Variants in TMEM163 observed in about 807,000 individuals in gnomAD.
TMEM163 encodes the protein transmembrane protein 163.
TMEM163 carries 17 observed loss-of-function variants against 29.3 expected under a neutral mutation model. The observed-to-expected ratio is 0.58, with a 90% CI of 0.40 to 0.87. TMEM163 has a LOEUF of 0.87. TMEM163 is among the 40% of genes least tolerant of loss of function. The pLI is 0.00. For missense variants in TMEM163, 303 were observed against 381.5 expected, an observed-to-expected ratio of 0.79 and a Z score of 1.71; for synonymous variants, 157 against 160.6, an observed-to-expected ratio of 0.98 and a Z score of 0.17.
At chr2:134,570,467 T>TAC (rs1558948852) in intron 2 of TMEM163, among the ~76,000 whole-genome samples, 37 of 139,592 alleles carry the variant, frequency 2.7e-4, no homozygotes, top group Non-Finnish European at 4.7e-4. Context: ...CTACTACATA[T>TAC]ATATATACAT....
In TMEM163 at chr2:134,541,292, G is replaced by A. The variant is rs189937357; in HGVS notation, c.458+9278C>T. 1.6e-4 allele frequency among the ~76,000 whole-genome samples: 25 copies of A among 152,360 alleles called. No homozygotes were observed. The East Asian group carries it at 4.2e-3, about 26-fold the overall frequency. ...TAGGCTGCTAACTAAAGAAATGCAT[G>A]TTAACATGGAGAATTAGCATTGCTG... On this transcript the variant is annotated intron_variant, in intron 4 of 7. Coordinates refer to ENST00000281924, the MANE Select transcript of TMEM163 (RefSeq NM_030923.5).
intron 5 of TMEM163, among the ~76,000 whole-genome samples, chr2:134,478,402 T>C (rs142626824): frequency 1.8e-3 from 268 of 152,234 alleles, no homozygotes; most frequent in African/African-American, 6.1e-3. Context: ...ATAATGCTCA[T>C]AAAAATATGG....
At chr2:134,517,788 A>G (rs1680107922) in intron 4 of TMEM163, among the ~76,000 whole-genome samples, 1 of 152,236 alleles carries the variant, frequency 6.6e-6, no homozygotes, top group East Asian at 1.9e-4. Flanking sequence ...TTTTAAATCA[A>G]TAGGTTTAAG....
At chr2:134,708,611 G>C (rs1461485303) in intron 2 of TMEM163, among the ~76,000 whole-genome samples, 1 of 150,546 alleles carries the variant, frequency 6.6e-6, no homozygotes, top group Non-Finnish European at 1.5e-5. Context: ...TTTTGAGACA[G>C]AGTCTTGCTC....
intron 5 of TMEM163, among the ~76,000 whole-genome samples, chr2:134,471,181 T>C (rs1245720378): frequency 6.6e-6 from 1 of 152,130 alleles, no homozygotes; most frequent in East Asian, 1.9e-4. Flanking sequence ...AATAAAACTA[T>C]GTTTAAAAAG....
At chr2:134,541,042 CA>C (rs1680652807) in intron 4 of TMEM163, among the ~76,000 whole-genome samples, 1 of 152,116 alleles carries the variant, frequency 6.6e-6, no homozygotes, top group African/African-American at 2.4e-5. Context: ...AATCTTTAAA[CA>C]AAAAACACCC....
At chr2:134,583,271 C>T (rs1681735742) in intron 2 of TMEM163, among the ~76,000 whole-genome samples, 1 of 152,182 alleles carries the variant, frequency 6.6e-6, no homozygotes, top group Non-Finnish European at 1.5e-5. Flanking sequence ...GGAGTTCTAC[C>T]TAATGGAGTT....
At chr2:134,669,767 T>C (rs1683949748) in intron 2 of TMEM163, among the ~76,000 whole-genome samples, 1 of 152,184 alleles carries the variant, frequency 6.6e-6, no homozygotes, top group Admixed American at 6.5e-5. Context: ...GACATGTGCC[T>C]TTAGAGCCCA....
chr2:134,630,200 T>G (rs928214410), intron 2 of TMEM163, among the ~76,000 whole-genome samples: 7 of 151,896 alleles, frequency 4.6e-5, no homozygotes, highest in African/African-American at 1.7e-4. Flanking sequence ...ATCTGTACAA[T>G]AGGAATAATA....
In TMEM163 at chr2:134,486,293, C is replaced by T. The variant is rs540150456; in HGVS notation, c.555+16608G>A. On this transcript the variant is annotated intron_variant, in intron 5 of 7. Coordinates refer to ENST00000281924, the MANE Select transcript of TMEM163 (RefSeq NM_030923.5). Reference sequence around the variant, plus strand: ...AAGCTCATTTACCCACCCCCAAAACCGAATGTGAACAAAACACAAGGAAGG... The same window carrying T: ...AAGCTCATTTACCCACCCCCAAAACTGAATGTGAACAAAACACAAGGAAGG... Among the ~76,000 whole-genome samples, 54 of 152,162 alleles carry T rather than the reference C, an allele frequency of 3.5e-4. 1 individual carries two copies. The highest frequency in any genetic ancestry group is 1.1e-3 in the African/African-American group (47 of 41,526).
chr2:134,648,350 C>CTCTTCTCTTCTCTTCTCT (rs1553489011), intron 2 of TMEM163, among the ~76,000 whole-genome samples: 1 of 151,942 alleles, frequency 6.6e-6, no homozygotes, highest in East Asian at 1.9e-4. Context: ...CTCTTCTCTG[C>CTCTTCTCTTCTCTTCTCT]TGTGTGGAAC....
chr2:134,491,543 C>T (rs1174496340), intron 5 of TMEM163, among the ~76,000 whole-genome samples: 3 of 152,128 alleles, frequency 2.0e-5, no homozygotes, highest in Admixed American at 6.5e-5. Context: ...GGAGACACTC[C>T]GTGGACCAGA....
At chr2:134,708,774 G>A (rs979669099) in intron 2 of TMEM163, among the ~76,000 whole-genome samples, 2 of 151,936 alleles carry the variant, frequency 1.3e-5, no homozygotes, top group Non-Finnish European at 2.9e-5. Context: ...TTTTTTAGTA[G>A]AGACAGGGTT....
chr2:134,603,946 A>G (rs1682293773), intron 2 of TMEM163, among the ~76,000 whole-genome samples: 1 of 152,012 alleles, frequency 6.6e-6, no homozygotes, highest in South Asian at 2.1e-4. Flanking sequence ...ACTTTTGGAC[A>G]CTGCAGTTAG....
chr2:134,650,125 C>T (rs1445957465), intron 2 of TMEM163, among the ~76,000 whole-genome samples: 3 of 150,972 alleles, frequency 2.0e-5, no homozygotes, highest in Admixed American at 6.6e-5. Context: ...AGTACAACCA[C>T]ATTTTTGTGT....
At chr2:134,481,256 G>C (rs184275690) in intron 5 of TMEM163, among the ~76,000 whole-genome samples, 1 of 152,076 alleles carries the variant, frequency 6.6e-6, no homozygotes, top group East Asian at 1.9e-4. Context: ...CCATCTAAAT[G>C]CTTCCCATCG....
intron 2 of TMEM163, among the ~76,000 whole-genome samples, chr2:134,575,810 T>A (rs1681541735): frequency 6.6e-6 from 1 of 151,980 alleles, no homozygotes; most frequent in African/African-American, 2.4e-5. Flanking sequence ...TGGGAGCAGG[T>A]GGCATTTATG....
intron 4 of TMEM163, among the ~76,000 whole-genome samples, chr2:134,537,890 G>A (rs1680576347): frequency 6.6e-6 from 1 of 152,098 alleles, no homozygotes; most frequent in Non-Finnish European, 1.5e-5. Flanking sequence ...TAACACTCAA[G>A]TACAAATCAA....
intron 4 of TMEM163, among the ~76,000 whole-genome samples, chr2:134,533,050 G>T (rs1455825254): frequency 6.6e-6 from 1 of 152,062 alleles, no homozygotes; most frequent in Non-Finnish European, 1.5e-5. Flanking sequence ...AAAGAAAAAA[G>T]TACCCCACAT....
Sources: allele counts gnomAD v4.1 joint callset (sites outside exome capture counted in the v4.1 genomes callset), GRCh38; gene constraint gnomAD v4.1.1; transcripts MANE v1.5; gene names NCBI Gene and HGNC (gene_info 2026-07-23, HGNC 2026-07-21).